Variants in BTBD3 observed in about 807,000 individuals in gnomAD.
BTBD3 encodes the protein BTB domain containing 3.
A neutral mutation model predicts 41.6 loss-of-function variants in BTBD3; 14 were observed. The ratio of observed to expected loss-of-function variants is 0.34; its 90% CI spans 0.22 to 0.53. BTBD3 has a LOEUF of 0.53. BTBD3 is among the 20% of genes least tolerant of loss of function. The probability of loss-of-function intolerance (pLI) is 0.95; values close to 1 mark genes in which losing one functional copy is unlikely to be tolerated. For missense variants in BTBD3, 426 were observed against 654.7 expected (o/e 0.65, Z 3.81); for synonymous variants, 249 against 233.7 (o/e 1.07, Z -0.60).
Position 11,922,624 on chromosome 20 carries a change from C to G in BTBD3, c.537-10C>G, listed in dbSNP as rs1349691122. 6.3e-7 allele frequency: 1 copy of G among 1,596,450 alleles called. No homozygotes were observed. The highest frequency in any genetic ancestry group is 2.2e-5 in the East Asian group (1 of 44,662). Reference sequence around the variant, plus strand: ...GAAAATTCCACTTACATGTTATGTGCTTTTTACAGATATATCTATTGTGAT... The same window carrying G: ...GAAAATTCCACTTACATGTTATGTGGTTTTTACAGATATATCTATTGTGAT... On this transcript the variant is annotated splice_polypyrimidine_tract_variant and intron_variant, in intron 3 of 3. Coordinates refer to ENST00000378226, the MANE Select transcript of BTBD3 (RefSeq NM_014962.4).
At chr20:11,918,931 T>G (rs1187680699) in intron 1 of BTBD3, 155 bp from the exon 2 acceptor site, 1 of 613,898 alleles carries the variant, frequency 1.6e-6, no homozygotes, top group African/African-American at 1.9e-5. Flanking sequence ...TTGCAATGAT[T>G]ATGAACAGTT....
Position 11,922,615 on chromosome 20 carries a change from T to G in BTBD3, c.537-19T>G. 1 of 1,581,274 alleles carries G rather than the reference T, an allele frequency of 6.3e-7. No individual in the cohort carries two copies. Among genetic ancestry groups the G allele is most frequent in the Non-Finnish European group, 8.6e-7 (1 of 1,161,164 alleles). On this transcript the variant is annotated intron_variant, in intron 3 of 3. Transcript: ENST00000378226. ...TCATTTTGTGAAAATTCCACTTACA[T>G]GTTATGTGCTTTTTACAGATATATC...
chr20:11,898,621 A>T (rs2056804923), intron 1 of BTBD3, among the ~76,000 whole-genome samples: 1 of 152,162 alleles, frequency 6.6e-6, no homozygotes, highest in Admixed American at 6.5e-5. Context: ...CACATAGAAG[A>T]TGCTCAGTAA....
At chr20:11,917,883 C>A (rs144861560), upstream of BTBD3, 1 of 1,000,700 alleles carries the variant, frequency 1.0e-6, no homozygotes, top group Non-Finnish European at 1.2e-6. Context: ...TACTCTCCTC[C>A]GATCCATTCA....
At chr20:11,912,865 C>T (rs141561153) in intron 1 of BTBD3, among the ~76,000 whole-genome samples, 6 of 152,278 alleles carry the variant, frequency 3.9e-5, no homozygotes, top group Admixed American at 2.6e-4. Context: ...ATGCTTCCAG[C>T]GCTTGACTCC....
chr20:11,896,937 G>C (rs2056790586), intron 1 of BTBD3, among the ~76,000 whole-genome samples: 1 of 152,186 alleles, frequency 6.6e-6, no homozygotes, highest in Admixed American at 6.5e-5. Flanking sequence ...AATATTCCAA[G>C]TTATAGCTGA....
chr20:11,908,670 A>T (rs2056871059), intron 1 of BTBD3, among the ~76,000 whole-genome samples: 1 of 151,796 alleles, frequency 6.6e-6, no homozygotes, highest in Non-Finnish European at 1.5e-5. Flanking sequence ...AGAGAATTGA[A>T]TTTTTTTTGA....
chr20:11,913,565 A>G (rs1053474140), upstream of BTBD3: 1 of 152,200 alleles, frequency 6.6e-6, no homozygotes, highest in African/African-American at 2.4e-5. Context: ...AGAGTGAATG[A>G]AGCAAACAAC....
At chr20:11,892,446 G>A (rs2122147440) in intron 1 of BTBD3, 1 of 152,140 alleles carries the variant, frequency 6.6e-6, no homozygotes, top group Non-Finnish European at 1.5e-5. Flanking sequence ...TCCTCCAGGG[G>A]AAGTGGGCGG....
rs182290688 is a variant in BTBD3 at position 11,924,793 on chromosome 20, A to G, written c.*1127A>G. The stretch of plus-strand genomic sequence containing the variant: ...TTAATTTTAATTTTGTCCTGTTCCT[A>G]GACTGCTAGAATCTGGCCCCTGGCC... On this transcript the variant is annotated 3_prime_UTR_variant, in exon 4 of 4. Coordinates refer to ENST00000378226, the MANE Select transcript of BTBD3 (RefSeq NM_014962.4). The G allele has an allele frequency of 2.6e-5, 4 of 152,762 alleles. No homozygotes were observed. The highest frequency in any genetic ancestry group is 5.9e-5 in the Non-Finnish European group (4 of 68,040). 9.5% of individuals were successfully genotyped at this position (152,762 alleles called of 1,614,324 possible).
chr20:11,896,480 TTTA>T (rs1207395067), intron 1 of BTBD3, among the ~76,000 whole-genome samples: 1 of 152,242 alleles, frequency 6.6e-6, no homozygotes, highest in Non-Finnish European at 1.5e-5. Flanking sequence ...TTGCACTAGA[TTTA>T]GCATTCTGTA....
intron 3 of BTBD3, among the ~76,000 whole-genome samples, chr20:11,920,577 T>TA (rs1362493173): frequency 6.6e-6 from 1 of 152,244 alleles, no homozygotes; most frequent in Non-Finnish European, 1.5e-5. Flanking sequence ...TTAAACAGGT[T>TA]ATAGAATCAG....
In BTBD3 at chr20:11,922,691, T is replaced by C; in HGVS notation, c.594T>C (p.Tyr198=). ...CTGACACAGTGCTGGCCACACTTTA[T>C]GCTGCCAAAAAGTACATTGTCCCTC... ...LAADTVLATL[Y]AAKKYIVPHL... The change falls in exon 4 of 4, where the codon TAT becomes TAC. Residue 198 remains tyrosine, a synonymous_variant. Transcript: ENST00000378226. The C allele has an allele frequency of 3.1e-6, 5 of 1,614,240 alleles. No homozygotes were observed. The highest frequency in any genetic ancestry group is 4.2e-6 in the Non-Finnish European group (5 of 1,180,032).
chr20:11,918,676 G>A (rs2056939570), intron 1 of BTBD3, 75 bp downstream of exon 1: 3 of 1,408,540 alleles, frequency 2.1e-6, no homozygotes, highest in Non-Finnish European at 2.9e-6. Flanking sequence ...AACCTGTAAT[G>A]TATTTGAACA....
At chr20:11,908,671 T>A (rs1308361119) in intron 1 of BTBD3, among the ~76,000 whole-genome samples, 1 of 151,580 alleles carries the variant, frequency 6.6e-6, no homozygotes, top group Non-Finnish European at 1.5e-5. Flanking sequence ...GAGAATTGAA[T>A]TTTTTTTGAA....
At chr20:11,915,558 G>C (rs6074366), upstream of BTBD3, among the ~76,000 whole-genome samples, 4 of 151,878 alleles carry the variant, frequency 2.6e-5, no homozygotes, top group African/African-American at 9.7e-5. Flanking sequence ...GATTCTGGGT[G>C]ACTAATAGGC....
Position 11,925,791 on chromosome 20 carries a change from C to CA in BTBD3, c.*2126dup, listed in dbSNP as rs2057013585. ...AGGTGGGTGTGATAGTCTTCAGGTG[C>CA]AGTGCGTTCATTCACTAACGCTCAC... On this transcript the variant is annotated 3_prime_UTR_variant, in exon 4 of 4. Transcript: ENST00000378226. The CA allele has an allele frequency of 6.6e-6, 1 of 152,590 alleles. No homozygotes were observed. Among genetic ancestry groups the CA allele is most frequent in the Non-Finnish European group, 1.5e-5 (1 of 68,026 alleles). The allele number at this position is 152,590 out of a possible 1,614,324, so 9.5% of individuals were successfully genotyped here.
exon 1 of BTBD3, chr20:11,890,832 T>C (rs1181373871): frequency 6.1e-6 from 6 of 984,742 alleles, no homozygotes; most frequent in African/African-American, 3.5e-5. Flanking sequence ...GTGCCCTGCG[T>C]GCGGGTGCCC....
At chr20:11,920,973 T>A (rs921326743) in intron 3 of BTBD3, among the ~76,000 whole-genome samples, 3 of 152,166 alleles carry the variant, frequency 2.0e-5, no homozygotes, top group Non-Finnish European at 2.9e-5. Context: ...GATAGGGAAA[T>A]TAAAGGCAAG....
Sources: allele counts gnomAD v4.1 joint callset (sites outside exome capture counted in the v4.1 genomes callset), GRCh38; gene constraint gnomAD v4.1.1; transcripts MANE v1.5; gene names NCBI Gene and HGNC (gene_info 2026-07-23, HGNC 2026-07-21).